The following RIMS2 variants were observed in gnomAD, a reference collection of about 807,000 sequenced individuals.
RIMS2 encodes the protein regulating synaptic membrane exocytosis protein 2.
A neutral mutation model predicts 174.4 loss-of-function variants in RIMS2; 59 were observed. The ratio of observed to expected loss-of-function variants is 0.34; its 90% confidence interval spans 0.27 to 0.42. RIMS2 has a LOEUF of 0.42. Among genes scored for constraint, RIMS2 ranks in the 10% least tolerant of loss-of-function variants. The pLI, the probability that RIMS2 is intolerant of heterozygous loss-of-function variation, is 1.00. For synonymous variants in RIMS2, 606 were observed against 572.5 expected (o/e 1.06, Z -0.84); for missense variants, 1,620 against 1,666.3 (o/e 0.97, Z 0.48).
At chr8:104,188,970 C>T (rs188800773) in intron 19 of RIMS2, among the ~76,000 whole-genome samples, 67 of 152,036 alleles carry the variant, frequency 4.4e-4, no homozygotes, top group African/African-American at 1.5e-3. Context: ...TCACCAATGT[C>T]TACAAATTGT....
At chr8:103,884,359 C>A (rs1241386285) in intron 3 of RIMS2, among the ~76,000 whole-genome samples, 2 of 151,842 alleles carry the variant, frequency 1.3e-5, no homozygotes, top group Non-Finnish European at 2.9e-5. Context: ...TAAACCTTTT[C>A]TGTTATCTTC....
chr8:103,766,303 G>T (rs1177566365), exon 3 of RIMS2: 2 of 1,613,080 alleles, frequency 1.2e-6, no homozygotes, highest in South Asian at 1.1e-5. Flanking sequence ...TATAATAGTG[G>T]ATCTAATACA....
At chr8:103,855,064 A>G (rs2099020344) in intron 3 of RIMS2, among the ~76,000 whole-genome samples, 2 of 151,930 alleles carry the variant, frequency 1.3e-5, no homozygotes, top group African/African-American at 2.4e-5. Context: ...CAGGGTTTCA[A>G]TCTATTCCTG....
chr8:104,122,452 C>T (rs574328393), intron 19 of RIMS2, among the ~76,000 whole-genome samples: 2 of 152,076 alleles, frequency 1.3e-5, no homozygotes, highest in South Asian at 4.2e-4. Flanking sequence ...TTCAGGCTTC[C>T]CTCTTGACCT....
At chr8:103,959,508 C>T (rs925289461) in intron 14 of RIMS2, among the ~76,000 whole-genome samples, 19 of 152,062 alleles carry the variant, frequency 1.2e-4, no homozygotes, top group South Asian at 2.1e-4. Context: ...CTGCAACCTC[C>T]GCCTCCTGCC....
At chr8:103,774,731 TC>T (rs1189594558) in intron 3 of RIMS2, among the ~76,000 whole-genome samples, 3 of 152,130 alleles carry the variant, frequency 2.0e-5, no homozygotes, top group African/African-American at 7.2e-5. Flanking sequence ...ATAAAACAAA[TC>T]TATAGAAAAG....
chr8:103,898,769 A>C (rs2099309054), intron 4 of RIMS2, among the ~76,000 whole-genome samples: 1 of 151,306 alleles, frequency 6.6e-6, no homozygotes, highest in African/African-American at 2.5e-5. Flanking sequence ...ACGTGTGCAC[A>C]ATGTGCAGGT....
chr8:103,958,631 T>C (rs2088552033), intron 14 of RIMS2, among the ~76,000 whole-genome samples: 1 of 152,242 alleles, frequency 6.6e-6, no homozygotes, highest in African/African-American at 2.4e-5. Flanking sequence ...TTGATCTTTT[T>C]CTTGCACCAT....
intron 1 of RIMS2, among the ~76,000 whole-genome samples, chr8:103,579,696 A>G (rs776380875): frequency 1.3e-5 from 2 of 152,236 alleles, no homozygotes; most frequent in Non-Finnish European, 2.9e-5. Context: ...ATGCCAATTA[A>G]AATATAATAC....
At chr8:103,698,705 A>G (rs2097134853) in intron 2 of RIMS2, among the ~76,000 whole-genome samples, 1 of 152,056 alleles carries the variant, frequency 6.6e-6, no homozygotes, top group South Asian at 2.1e-4. Context: ...TCCTGGGCTC[A>G]AGTGTTCCTC....
intron 1 of RIMS2, among the ~76,000 whole-genome samples, chr8:103,524,522 A>G (rs1484250596): frequency 2.6e-5 from 4 of 152,208 alleles, no homozygotes; most frequent in South Asian, 4.1e-4. Flanking sequence ...TCATCAAAAG[A>G]TCAGTAACTG....
At chr8:103,879,365 G>T (rs958762836) in intron 3 of RIMS2, among the ~76,000 whole-genome samples, 8 of 151,442 alleles carry the variant, frequency 5.3e-5, no homozygotes, top group African/African-American at 1.7e-4. Flanking sequence ...GCTATTAACT[G>T]CAATGTTTCT....
intron 4 of RIMS2, 95 bp downstream of exon 7, chr8:103,886,318 T>C: frequency 9.9e-7 from 1 of 1,011,296 alleles, no homozygotes; most frequent in Non-Finnish European, 1.4e-6. Context: ...TAGGTATTAC[T>C]AGTAGCTTTA....
At chr8:103,958,362 A>C (rs1192652958) in intron 14 of RIMS2, among the ~76,000 whole-genome samples, 1 of 152,174 alleles carries the variant, frequency 6.6e-6, no homozygotes, top group Admixed American at 6.5e-5. Flanking sequence ...AAGAAAACTC[A>C]TGAACACAAG....
chr8:103,866,771 T>C (rs1407267256), intron 3 of RIMS2, among the ~76,000 whole-genome samples: 1 of 152,112 alleles, frequency 6.6e-6, no homozygotes, highest in African/African-American at 2.4e-5. Context: ...AATCTGTAAT[T>C]GTAGGAAGTA....
chr8:103,813,593 C>A (rs1259871102), intron 3 of RIMS2, among the ~76,000 whole-genome samples: 1 of 152,094 alleles, frequency 6.6e-6, no homozygotes, highest in East Asian at 1.9e-4. Context: ...GATGTTCCCC[C>A]ACCCTGTGTC....
chr8:104,251,085 A>G (rs1485141143), exon 23 of RIMS2: 3 of 1,613,576 alleles, frequency 1.9e-6, no homozygotes, highest in South Asian at 1.1e-5. Flanking sequence ...AGAAAACAAA[A>G]GTGGCAAGAA....
At chr8:103,756,956 C>T (rs916943894) in intron 2 of RIMS2, among the ~76,000 whole-genome samples, 1 of 147,148 alleles carries the variant, frequency 6.8e-6, no homozygotes, top group Non-Finnish European at 1.5e-5. Context: ...TTATTTCATC[C>T]TTTCTCGTAT....
chr8:104,017,904 C>T (rs948649619), intron 19 of RIMS2, among the ~76,000 whole-genome samples: 1 of 151,696 alleles, frequency 6.6e-6, no homozygotes, highest in Non-Finnish European at 1.5e-5. Flanking sequence ...GGTGAAACCC[C>T]ATCGCTATAA....
Sources: allele counts gnomAD v4.1 joint callset (sites outside exome capture counted in the v4.1 genomes callset), GRCh38; gene constraint gnomAD v4.1.1; transcripts MANE v1.5; gene names NCBI Gene and HGNC (gene_info 2026-07-23, HGNC 2026-07-21).